SSTR4: variants seen among roughly 807,000 people sequenced by gnomAD.
The protein encoded by SSTR4 is somatostatin receptor 4.
For synonymous variants in SSTR4, 272 were observed against 246.3 expected, an observed-to-expected ratio of 1.10 and a Z score of -0.98; for missense variants, 649 against 540.6, an observed-to-expected ratio of 1.20 and a Z score of -1.99.
rs776766160 is a variant in SSTR4 at position 23,036,774 on chromosome 20, C to T, written c.*124C>T. On this transcript the variant is annotated 3_prime_UTR_variant, in exon 1 of 1. Transcript: ENST00000255008. ...TCCACCACCTGTTCCTTCCAGCAGC[C>T]CATGTACCTGCCGGAGAGTGTCAGA... The T allele has an allele frequency of 9.0e-7, 1 of 1,117,040 alleles. No homozygotes were observed. The highest frequency in any genetic ancestry group is 1.6e-5 in the African/African-American group (1 of 63,734). The allele number at this position is 1,117,040 out of a possible 1,614,324, so 69.2% of individuals were successfully genotyped here.
rs1984283065 is a variant in SSTR4 at position 23,035,614 on chromosome 20, C to A, written c.131C>A (p.Ala44Glu). Residue 44 changes from alanine to glutamate, a missense_variant, in exon 1 of 1, where the codon GCG becomes GAG. Transcript: ENST00000255008. ...GTGGCGGGGCCCGGGGACGCGCGGG[C>A]GGCGGGCATGGTCGCTATCCAGTGC... ...EAVAGPGDARAAGMVAIQCIY... is the reference protein window; with the variant it reads ...EAVAGPGDAREAGMVAIQCIY... 1.9e-6 allele frequency: 3 copies of A among 1,546,426 alleles called. No homozygotes were observed. Among genetic ancestry groups the A allele is most frequent in the Non-Finnish European group, 2.6e-6 (3 of 1,151,680 alleles).
At position 23,038,612 on chromosome 20, in the gene SSTR4, C is replaced by A. The variant is rs530888603; in HGVS notation, c.*1962C>A. Among the ~76,000 whole-genome samples, 62 of 152,330 alleles carry A rather than the reference C, an allele frequency of 4.1e-4. 2 individuals are homozygous for A. The South Asian group carries it at 6.4e-3, about 16-fold the overall frequency. ...CAGGACACCTCAGCCTCAGCTACCCCGTGAGCAGTGATTTAACCTCTCTAA... is the reference window on the plus strand; with the variant it reads ...CAGGACACCTCAGCCTCAGCTACCCAGTGAGCAGTGATTTAACCTCTCTAA... On this transcript the variant is annotated 3_prime_UTR_variant, in exon 1 of 1. Transcript: ENST00000255008.
Position 23,036,112 on chromosome 20 carries a change from T to C in SSTR4, c.629T>C (p.Val210Ala). Residue 210 changes from valine (V) to alanine (A), a missense_variant, in exon 1 of 1, where the codon GTC becomes GCC. Val to Ala is a moderately conservative substitution (Grantham distance 64). Coordinates refer to ENST00000255008, the MANE Select transcript of SSTR4 (RefSeq NM_001052.4). ...LQWPHPAWSA[V>A]FVVYTFLLGF... ...TGGCCACACCCGGCCTGGTCGGCAG[T>C]CTTCGTGGTCTACACTTTCCTGCTG... is the stretch of plus-strand genomic sequence containing the variant. 1 of 1,602,976 alleles carries C rather than the reference T, an allele frequency of 6.2e-7. No individual in the cohort carries two copies. The highest frequency in any genetic ancestry group is 8.5e-7 in the Non-Finnish European group (1 of 1,179,648).
chr20:23,036,651 G>C lies in SSTR4; in HGVS notation c.*1G>C, dbSNP rs1228388016. ...CCTCACCAGGACCACCACCTTCTGA[G>C]GAGCCCTTCCCCTACCCACCCTGCG... On this transcript the variant is annotated 3_prime_UTR_variant, in exon 1 of 1. Transcript: ENST00000255008. The C allele has an allele frequency of 6.5e-7, 1 of 1,538,512 alleles. No homozygotes were observed. The highest frequency in any genetic ancestry group is 8.7e-7 in the Non-Finnish European group (1 of 1,144,018).
In SSTR4 at chr20:23,036,288, G is replaced by C; in HGVS notation, c.805G>C (p.Val269Leu). The change falls in exon 1 of 1, where the codon GTG (valine) becomes CTG (leucine). Residue 269 changes from valine (V) to leucine (L), a missense_variant. Physicochemically the swap from Val to Leu is conservative, Grantham distance 32. Transcript: ENST00000255008. ...RLVLMVVVVF[V>L]LCWMPFYVVQ... The stretch of plus-strand genomic sequence containing the variant: ...GGTGCTGATGGTCGTGGTCGTCTTT[G>C]TGCTCTGCTGGATGCCTTTCTACGT... The C allele has an allele frequency of 6.2e-7, 1 of 1,614,194 alleles. No individual in the cohort carries two copies. The highest frequency in any genetic ancestry group is 8.5e-7 in the Non-Finnish European group (1 of 1,180,034).
In SSTR4 at chr20:23,035,608, C is replaced by A. The variant is rs1378430195; in HGVS notation, c.125C>A (p.Ala42Glu). The change falls in exon 1 of 1, where the codon GCG (alanine) becomes GAG (glutamate). Residue 42 changes from alanine to glutamate, a missense_variant. By Grantham distance (107) the Ala-to-Glu change is moderately radical. Transcript: ENST00000255008. ...GAGGCGGTGGCGGGGCCCGGGGACG[C>A]GCGGGCGGCGGGCATGGTCGCTATC... ...AEEAVAGPGDARAAGMVAIQC... is the reference protein window; with the variant it reads ...AEEAVAGPGDERAAGMVAIQC... The A allele has an allele frequency of 6.5e-7, 1 of 1,548,152 alleles. No individual in the cohort carries two copies. Among genetic ancestry groups the A allele is most frequent in the Non-Finnish European group, 8.7e-7 (1 of 1,152,624 alleles).
rs777741211 is a variant in SSTR4, at chr20:23,036,612, C to G, written c.1129C>G (p.Arg377Gly). The change falls in exon 1 of 1, where the codon CGC becomes GGC. Residue 377 changes from arginine to glycine, a missense_variant. Transcript: ENST00000255008. ...QQEALQPEPG[R>G]KRIPLTRTTT... ...GGAAGCCCTGCAACCAGAACCCGGC[C>G]GCAAGCGCATCCCCCTCACCAGGAC... 8.3e-6 allele frequency: 13 copies of G among 1,571,838 alleles called. No individual in the cohort carries two copies. Among genetic ancestry groups the G allele is most frequent in the Admixed American group, 5.4e-5 (3 of 55,450 alleles).
rs1451573982 is a variant in SSTR4, at chr20:23,035,366, G to T, written c.-118G>T. 7.4e-6 allele frequency: 6 copies of T among 814,450 alleles called. No homozygotes were observed. The South Asian group carries it at 3.1e-4, about 43-fold the overall frequency. 50.5% of individuals were successfully genotyped at this position (814,450 alleles called of 1,614,324 possible). A position where few individuals can be genotyped will look rare whatever the true frequency, so the allele number is the denominator to read the frequency against. On this transcript the variant is annotated 5_prime_UTR_variant, in exon 1 of 1. Coordinates refer to ENST00000255008, the MANE Select transcript of SSTR4 (RefSeq NM_001052.4). ...TCCCCGGTGCCCGCAGCTCTTCAGC[G>T]TAGCCGGGAAGAGCCGCGCGTCTGC...
Position 23,036,228 on chromosome 20 carries a change from C to A in SSTR4, c.745C>A (p.Gln249Lys). 1 of 1,613,952 alleles carries A rather than the reference C, an allele frequency of 6.2e-7. No homozygotes were observed. The highest frequency in any genetic ancestry group is 8.5e-7 in the Non-Finnish European group (1 of 1,180,010). ...CGTGGCCCTGCGCGCTGGCTGGCAG[C>A]AGCGCAGGCGCTCGGAGAAGAAAAT... ...RAVALRAGWQ[Q>K]RRRSEKKITR... Residue 249 changes from glutamine (Q) to lysine (K), a missense_variant, in exon 1 of 1, where the codon CAG (glutamine) becomes AAG (lysine). By Grantham distance (53) the Gln-to-Lys change is moderately conservative. Transcript: ENST00000255008.
In SSTR4 at chr20:23,037,582, A is replaced by G. The variant is rs566518506; in HGVS notation, c.*932A>G. 5.3e-5 allele frequency among the ~76,000 whole-genome samples: 8 copies of G among 152,294 alleles called. No individual in the cohort carries two copies. Among genetic ancestry groups the G allele is most frequent in the African/African-American group, 1.9e-4 (8 of 41,570 alleles). The stretch of plus-strand genomic sequence containing the variant: ...TTAGAATGTCATCTTTCAGTAAAAC[A>G]TCAGCCACATTAGATATTAACATGT... On this transcript the variant is annotated 3_prime_UTR_variant, in exon 1 of 1. Transcript: ENST00000255008.
Position 23,038,369 on chromosome 20 carries a change from G to A in SSTR4, c.*1719G>A, listed in dbSNP as rs1186809082. On this transcript the variant is annotated 3_prime_UTR_variant, in exon 1 of 1. Transcript: ENST00000255008. Reference sequence around the variant, plus strand: ...TCTTCCCAGCTTGTACGTGGGGTTGGGGGTCCTTTCTTTAGTCTCTCAGTG... The same window carrying A: ...TCTTCCCAGCTTGTACGTGGGGTTGAGGGTCCTTTCTTTAGTCTCTCAGTG... 6.6e-6 allele frequency: 1 copy of A among 152,144 alleles called. No homozygotes were observed. The highest frequency in any genetic ancestry group is 1.5e-5 in the Non-Finnish European group (1 of 68,086). The allele number at this position is 152,144 out of a possible 1,614,324, so 9.4% of individuals were successfully genotyped here. A position where few individuals can be genotyped will look rare whatever the true frequency, so the allele number is the denominator to read the frequency against.
Position 23,036,420 on chromosome 20 carries a change from T to A in SSTR4, c.937T>A (p.Phe313Ile). 1 of 1,614,036 alleles carries A rather than the reference T, an allele frequency of 6.2e-7. No individual in the cohort carries two copies. Among genetic ancestry groups the A allele is most frequent in the East Asian group, 2.2e-5 (1 of 44,864 alleles). ...CTGCGCCAACCCCATTCTCTATGGC[T>A]TCCTCTCCGACAACTTCCGCCGATT... ...NSCANPILYG[F>I]LSDNFRRFFQ... Residue 313 changes from phenylalanine (F) to isoleucine (I), a missense_variant, in exon 1 of 1, where the codon TTC (phenylalanine) becomes ATC (isoleucine). Transcript: ENST00000255008.
chr20:23,035,798 G>C lies in SSTR4; in HGVS notation c.315G>C (p.Ser105=). The change falls in exon 1 of 1, where the codon TCG becomes TCC. Residue 105 remains serine, a synonymous_variant. Transcript: ENST00000255008. ...TGCTGAGCGTGCCCTTCGTGGCCTCGTCGGCCGCCCTGCGCCACTGGCCCT... is the reference window on the plus strand; with the variant it reads ...TGCTGAGCGTGCCCTTCGTGGCCTCCTCGGCCGCCCTGCGCCACTGGCCCT... ...LFMLSVPFVA[S]SAALRHWPFG... is the part of the protein sequence containing the mutation. 1.9e-6 allele frequency: 3 copies of C among 1,591,422 alleles called. No homozygotes were observed. Among genetic ancestry groups the C allele is most frequent in the Non-Finnish European group, 2.6e-6 (3 of 1,168,178 alleles).
rs1984350250 is a variant in SSTR4, at chr20:23,037,041, ACGCTCT to A, written c.*392_*397del. Among the ~76,000 whole-genome samples, 5 of 152,322 alleles carry A rather than the reference ACGCTCT, an allele frequency of 3.3e-5. No homozygotes were observed. The highest frequency in any genetic ancestry group is 2.6e-4 in the Admixed American group (4 of 15,306). ...GAGGTAGCACCCTTCCTCTCTGCAG[ACGCTCT>A]GCCTTGTGGTGGGAGCACAGCTTGT... On this transcript the variant is annotated 3_prime_UTR_variant, in exon 1 of 1. Coordinates refer to ENST00000255008, the MANE Select transcript of SSTR4 (RefSeq NM_001052.4).
In SSTR4 at chr20:23,035,833, T is replaced by A. The variant is rs756683258; in HGVS notation, c.350T>A (p.Val117Glu). Residue 117 changes from valine (V) to glutamate (E), a missense_variant, in exon 1 of 1, where the codon GTG becomes GAG. Coordinates refer to ENST00000255008, the MANE Select transcript of SSTR4 (RefSeq NM_001052.4). ...CTGCGCCACTGGCCCTTCGGCTCCG[T>A]GCTGTGCCGCGCGGTGCTCAGCGTC... ...AALRHWPFGS[V>E]LCRAVLSVDG... 1.3e-6 allele frequency: 2 copies of A among 1,598,738 alleles called. No homozygotes were observed. Among genetic ancestry groups the A allele is most frequent in the Non-Finnish European group, 1.7e-6 (2 of 1,172,720 alleles).
rs1428815733 is a variant in SSTR4 at position 23,035,568 on chromosome 20, C to A, written c.85C>A (p.Pro29Thr). Residue 29 changes from proline to threonine, a missense_variant, in exon 1 of 1, where the codon CCG (proline) becomes ACG (threonine). By Grantham distance (38) the Pro-to-Thr change is conservative. Transcript: ENST00000255008. ...CTCTGCAGCCAATGCCAGTAGCGCT[C>A]CGGCGGAGGCGGAGGAGGCGGTGGC... ...WPSAANASSAPAEAEEAVAGP... is the reference protein window; with the variant it reads ...WPSAANASSATAEAEEAVAGP... 1.9e-6 allele frequency: 3 copies of A among 1,586,058 alleles called. No individual in the cohort carries two copies. The highest frequency in any genetic ancestry group is 2.6e-6 in the Non-Finnish European group (3 of 1,168,878).
chr20:23,036,740 C>T lies in SSTR4; in HGVS notation c.*90C>T, dbSNP rs575817789. 7.8e-6 allele frequency: 11 copies of T among 1,401,916 alleles called. No homozygotes were observed. The highest frequency in any genetic ancestry group is 5.8e-5 in the African/African-American group (4 of 69,454). 86.8% of individuals were successfully genotyped at this position (1,401,916 alleles called of 1,614,324 possible). The stretch of plus-strand genomic sequence containing the variant: ...CCGAAGACTGCATCTCCTGAATGCT[C>T]ACCTAAGCTCCACCACCTGTTCCTT... On this transcript the variant is annotated 3_prime_UTR_variant, in exon 1 of 1. Transcript: ENST00000255008.
Position 23,036,777 on chromosome 20 carries a change from T to G in SSTR4, c.*127T>G. 1 of 1,092,348 alleles carries G rather than the reference T, an allele frequency of 9.2e-7. No homozygotes were observed. The highest frequency in any genetic ancestry group is 1.3e-6 in the Non-Finnish European group (1 of 768,284). The allele number at this position is 1,092,348 out of a possible 1,614,324, so 67.7% of individuals were successfully genotyped here. A position where few individuals can be genotyped will look rare whatever the true frequency, so the allele number is the denominator to read the frequency against. ...ACCACCTGTTCCTTCCAGCAGCCCA[T>G]GTACCTGCCGGAGAGTGTCAGAACT... On this transcript the variant is annotated 3_prime_UTR_variant, in exon 1 of 1. Coordinates refer to ENST00000255008, the MANE Select transcript of SSTR4 (RefSeq NM_001052.4).
At position 23,035,774 on chromosome 20, in the gene SSTR4, G is replaced by T. The variant is rs371815484; in HGVS notation, c.291G>T (p.Met97Ile). ...TGGCCGTAGCCGACGAGCTCTTCATGCTGAGCGTGCCCTTCGTGGCCTCGT... is the reference window on the plus strand; with the variant it reads ...TGGCCGTAGCCGACGAGCTCTTCATTCTGAGCGTGCCCTTCGTGGCCTCGT... The part of the protein sequence containing the change: ...LNLAVADELF[M>I]LSVPFVASSA... The change falls in exon 1 of 1, where the codon ATG (methionine) becomes ATT (isoleucine). Residue 97 changes from methionine (M) to isoleucine (I), a missense_variant. Transcript: ENST00000255008. 1 of 1,594,920 alleles carries T rather than the reference G, an allele frequency of 6.3e-7. No individual in the cohort carries two copies. The highest frequency in any genetic ancestry group is 1.3e-5 in the African/African-American group (1 of 74,296).
Sources: allele counts gnomAD v4.1 joint callset (sites outside exome capture counted in the v4.1 genomes callset), GRCh38; gene constraint gnomAD v4.1.1; transcripts MANE v1.5; gene names NCBI Gene and HGNC (gene_info 2026-07-23, HGNC 2026-07-21).